Variants in TRDMT1 observed in about 807,000 individuals in gnomAD.
TRDMT1 encodes tRNA (cytosine(38)-C(5))-methyltransferase.
In TRDMT1, 49 loss-of-function variants were observed where a neutral mutation model predicts 51.2. The ratio of observed to expected loss-of-function variants is 0.96; its 90% CI spans 0.76 to 1.21. The LOEUF (loss-of-function observed/expected upper bound fraction) is 1.21. Ranked by LOEUF, TRDMT1 falls within the 50% of genes most tolerant of loss-of-function variation. The pLI is 0.00. For synonymous variants in TRDMT1, 187 were observed against 164.6 expected, an observed-to-expected ratio of 1.14 and a Z score of -1.04; for missense variants, 534 against 462.3, an observed-to-expected ratio of 1.16 and a Z score of -1.42.
At chr10:17,195,608 A>T (rs1018415755) in intron 1 of TRDMT1, among the ~76,000 whole-genome samples, 1 of 152,148 alleles carries the variant, frequency 6.6e-6, no homozygotes, top group Non-Finnish European at 1.5e-5. Context: ...GAAGCTGAAA[A>T]AAAAAAAATT....
chr10:17,174,555 A>G lies in TRDMT1; in HGVS notation c.170T>C (p.Ile57Thr), dbSNP rs201980772. 8.3e-5 allele frequency: 134 copies of G among 1,605,766 alleles called. No individual in the cohort carries two copies. Among genetic ancestry groups the G allele is most frequent in the Non-Finnish European group, 7.7e-5 (90 of 1,172,682 alleles). Residue 57 changes from isoleucine (I) to threonine (T), a missense_variant, in exon 2 of 11, where the codon ATT becomes ACT. Physicochemically the swap from Ile to Thr is moderately conservative, Grantham distance 89. Transcript: ENST00000377799. ...FPHTQLLAKT[I>T]EGITLEEFDR... ...AAAACAATGACAATTACTCACTTCA[A>G]TCGTCTTGGCAAGTAACTGTGTGTG...
At position 17,141,354 on chromosome 10, in the gene TRDMT1, G is replaced by C. The variant is rs965602591; in HGVS notation, c.*7686C>G. Among the ~76,000 whole-genome samples, 2 of 152,046 alleles carry C rather than the reference G, an allele frequency of 1.3e-5. No homozygotes were observed. The highest frequency in any genetic ancestry group is 2.9e-5 in the Non-Finnish European group (2 of 67,998). ...TTTTTTTGATTTTAGTAGAGACGGGGTTTCACCATGTTGGAAAGGATGGTC... is the reference window on the plus strand; with the variant it reads ...TTTTTTTGATTTTAGTAGAGACGGGCTTTCACCATGTTGGAAAGGATGGTC... On this transcript the variant is annotated 3_prime_UTR_variant, in exon 11 of 11. Transcript: ENST00000377799.
chr10:17,189,356 G>A (rs1844385038), intron 1 of TRDMT1, among the ~76,000 whole-genome samples: 1 of 152,116 alleles, frequency 6.6e-6, no homozygotes, highest in Non-Finnish European at 1.5e-5. Context: ...TTTAAATATA[G>A]TGCCTTTGCC....
chr10:17,181,752 A>G (rs1472613923), intron 1 of TRDMT1, among the ~76,000 whole-genome samples: 4 of 152,186 alleles, frequency 2.6e-5, no homozygotes, highest in Non-Finnish European at 4.4e-5. Context: ...TGTCTTAAAT[A>G]TAGTCCCAAT....
In TRDMT1 at chr10:17,154,753, A is replaced by T. The variant is rs2131391114; in HGVS notation, c.888-19T>A. 1.3e-6 allele frequency: 2 copies of T among 1,595,562 alleles called. No individual in the cohort carries two copies. Among genetic ancestry groups the T allele is most frequent in the Non-Finnish European group, 1.7e-6 (2 of 1,171,980 alleles). On this transcript the variant is annotated intron_variant, in intron 8 of 10. Coordinates refer to ENST00000377799, the MANE Select transcript of TRDMT1 (RefSeq NM_004412.7). Reference sequence around the variant, plus strand: ...TCCATATCTGAAAAATCAACACAACAATTATGCAGCACCTGATGTATGTGT... The same window carrying T: ...TCCATATCTGAAAAATCAACACAACTATTATGCAGCACCTGATGTATGTGT...
Position 17,176,298 on chromosome 10 carries a change from G to A in TRDMT1, c.65-1638C>T, listed in dbSNP as rs150696506. Among the ~76,000 whole-genome samples the A allele has an allele frequency of 1.7e-4, 26 of 152,250 alleles. No homozygotes were observed. The East Asian group carries it at 4.4e-3, about 26-fold the overall frequency. ...ATTTCCACCATATATGAAGCAAACT[G>A]GGATTGCCTGACATTGGTTAATAGG... is the stretch of plus-strand genomic sequence containing the variant. On this transcript the variant is annotated intron_variant, in intron 1 of 10. Coordinates refer to ENST00000377799, the MANE Select transcript of TRDMT1 (RefSeq NM_004412.7).
intron 1 of TRDMT1, among the ~76,000 whole-genome samples, chr10:17,195,241 G>A (rs373565666): frequency 6.6e-6 from 1 of 152,072 alleles, no homozygotes. Flanking sequence ...AGAAAATGTG[G>A]TATATATACA....
At chr10:17,194,725 G>C (rs548256363) in intron 1 of TRDMT1, among the ~76,000 whole-genome samples, 64 of 152,170 alleles carry the variant, frequency 4.2e-4, no homozygotes, top group African/African-American at 1.5e-3. Flanking sequence ...TTGGGATCAG[G>C]AGTTCCAGAC....
intron 1 of TRDMT1, among the ~76,000 whole-genome samples, chr10:17,199,012 G>A (rs1419508931): frequency 2.0e-5 from 3 of 152,052 alleles, no homozygotes; most frequent in African/African-American, 4.8e-5. Flanking sequence ...CAGTTCTACC[G>A]CTAACTAGTT....
intron 2 of TRDMT1, among the ~76,000 whole-genome samples, chr10:17,170,753 CTT>C (rs1240219701): frequency 1.3e-5 from 2 of 152,088 alleles, no homozygotes; most frequent in Non-Finnish European, 2.9e-5. Flanking sequence ...ATATAGATTT[CTT>C]GTTATACAGA....
rs909281285 is a variant in TRDMT1 at position 17,148,639 on chromosome 10, T to C, written c.*401A>G. The C allele has an allele frequency of 3.1e-6, 3 of 967,592 alleles. No homozygotes were observed. In the African/African-American group the frequency reaches 5.3e-5, roughly 17 times the overall value. 59.9% of individuals were successfully genotyped at this position (967,592 alleles called of 1,614,324 possible). A position where few individuals can be genotyped will look rare whatever the true frequency, so the allele number is the denominator to read the frequency against. On this transcript the variant is annotated 3_prime_UTR_variant, in exon 11 of 11. Coordinates refer to ENST00000377799, the MANE Select transcript of TRDMT1 (RefSeq NM_004412.7). ...ATTCAATGGGCTAGAATTAGAATCA[T>C]TATTTTAAAATTAGAAATAAAAAAC...
rs1837872064 is a variant in TRDMT1, at chr10:17,143,752, A to T, written c.*5288T>A. 1 of 985,348 alleles carries T rather than the reference A, an allele frequency of 1.0e-6. No individual in the cohort carries two copies. Among genetic ancestry groups the T allele is most frequent in the African/African-American group, 1.7e-5 (1 of 57,248 alleles). 61.0% of individuals were successfully genotyped at this position (985,348 alleles called of 1,614,324 possible). On this transcript the variant is annotated 3_prime_UTR_variant, in exon 11 of 11. Transcript: ENST00000377799. ...CCTGCCTTAGGAAGGCCATTTTAAC[A>T]GAAGCTGACCAATGGAATGCAGAGT...
At chr10:17,167,018 C>A (rs1292753032) in intron 3 of TRDMT1, among the ~76,000 whole-genome samples, 2 of 152,188 alleles carry the variant, frequency 1.3e-5, no homozygotes, top group Non-Finnish European at 2.9e-5. Flanking sequence ...ATGCAGCAAG[C>A]CCTTTTCTCC....
intron 3 of TRDMT1, among the ~76,000 whole-genome samples, chr10:17,163,410 G>A (rs1840704407): frequency 6.6e-6 from 1 of 152,250 alleles, no homozygotes; most frequent in East Asian, 1.9e-4. Context: ...AAGCCCACAA[G>A]AGAAAACAGG....
At chr10:17,183,789 A>G (rs1390286224) in intron 1 of TRDMT1, among the ~76,000 whole-genome samples, 2 of 152,202 alleles carry the variant, frequency 1.3e-5, no homozygotes, top group African/African-American at 2.4e-5. Flanking sequence ...AAAGAATTCA[A>G]TGCTGCTCTT....
At chr10:17,171,357 T>C (rs1194349475) in intron 2 of TRDMT1, among the ~76,000 whole-genome samples, 1 of 152,162 alleles carries the variant, frequency 6.6e-6, no homozygotes, top group African/African-American at 2.4e-5. Context: ...ACTTTTCCAC[T>C]GCTAGCCCTC....
At chr10:17,157,267 G>A (rs772002834) in intron 8 of TRDMT1, among the ~76,000 whole-genome samples, 174 bp downstream of exon 8, 4 of 152,040 alleles carry the variant, frequency 2.6e-5, no homozygotes, top group Non-Finnish European at 4.4e-5. Context: ...TCTGCCAAAC[G>A]GAATTTTTAC....
In TRDMT1 at chr10:17,164,466, G is replaced by A. The variant is rs188357976; in HGVS notation, c.252-2229C>T. 6.1e-3 allele frequency among the ~76,000 whole-genome samples: 927 copies of A among 152,268 alleles called. 8 individuals are homozygous for A. Among genetic ancestry groups the A allele is most frequent in the African/African-American group, 0.02 (835 of 41,568 alleles). Reference sequence around the variant, plus strand: ...CCCTTTGAAAACTGGCACAAGACAGGGATGCCCTCTCTCATCACTTCTATT... The same window carrying A: ...CCCTTTGAAAACTGGCACAAGACAGAGATGCCCTCTCTCATCACTTCTATT... On this transcript the variant is annotated intron_variant, in intron 3 of 10. Coordinates refer to ENST00000377799, the MANE Select transcript of TRDMT1 (RefSeq NM_004412.7).
In TRDMT1 at chr10:17,159,153, G is replaced by T; in HGVS notation, c.536C>A (p.Pro179His). Residue 179 changes from proline (P) to histidine (H), a missense_variant, in exon 7 of 11, where the codon CCT becomes CAT. Coordinates refer to ENST00000377799, the MANE Select transcript of TRDMT1 (RefSeq NM_004412.7). ...LQSEPLPFQA[P>H]GQVLMEFPKI... is the part of the protein sequence containing the mutation. ...AAATTCCAATAATAATACCTGACCA[G>T]GGGCTTGAAAGGGTAATGGCTCTGA... 1 of 1,587,966 alleles carries T rather than the reference G, an allele frequency of 6.3e-7. No homozygotes were observed. Among genetic ancestry groups the T allele is most frequent in the Non-Finnish European group, 8.6e-7 (1 of 1,168,160 alleles).
Sources: gnomAD v4.1 joint callset for allele counts (sites outside exome capture counted in the v4.1 genomes callset) on GRCh38, gnomAD v4.1.1 for gene constraint, MANE v1.5 for transcripts, NCBI Gene and HGNC (gene_info 2026-07-23, HGNC 2026-07-21) for gene names.